CERS3: variants seen among roughly 807,000 people sequenced by gnomAD.
CERS3 encodes the protein ceramide synthase 3, also known as LAG1 homolog, ceramide synthase 3.
A neutral mutation model predicts 50.3 loss-of-function variants in CERS3; 33 were observed. The ratio of observed to expected loss-of-function variants is 0.66; its 90% CI spans 0.50 to 0.88. The LOEUF (loss-of-function observed/expected upper bound fraction) is 0.88, where lower values mean the gene tolerates loss of function less well. CERS3 is among the 40% of genes least tolerant of loss of function. The pLI is 0.00. For missense variants in CERS3, 470 were observed against 460.3 expected (o/e 1.02, Z -0.19); for synonymous variants, 176 against 155.2 (o/e 1.13, Z -0.99).
chr15:100,440,372 T>A (rs1452674163), intron 11 of CERS3, among the ~76,000 whole-genome samples: 1 of 152,208 alleles, frequency 6.6e-6, no homozygotes, highest in Non-Finnish European at 1.5e-5. Context: ...TTCCTTCTCC[T>A]GGCTCATTCT....
At chr15:100,477,956 G>GT (rs2035183406) in intron 7 of CERS3, among the ~76,000 whole-genome samples, 1 of 152,182 alleles carries the variant, frequency 6.6e-6, no homozygotes, top group Non-Finnish European at 1.5e-5. Context: ...AGAAGTGAAA[G>GT]TAAGTCCTCT....
chr15:100,403,000 A>G, intron 11 of CERS3, 135 bp from the exon 12 acceptor site: 2 of 836,866 alleles, frequency 2.4e-6, no homozygotes, highest in Non-Finnish European at 3.6e-6. Flanking sequence ...ATTCACCAAG[A>G]TTGACTATAT....
In CERS3 at chr15:100,480,579, A is replaced by G. The variant is rs75751988; in HGVS notation, c.408-533T>C. On this transcript the variant is annotated intron_variant, in intron 5 of 11. Coordinates refer to ENST00000679737, the MANE Select transcript of CERS3 (RefSeq NM_001378789.1). ...AAAAACCTGTAGACTAAGAGACTGG[A>G]AAGACACATCAAAAAATTGTAACAA... Among the ~76,000 whole-genome samples, 222 of 152,328 alleles carry G rather than the reference A, an allele frequency of 1.5e-3. 1 individual carries two copies. Among genetic ancestry groups the G allele is most frequent in the African/African-American group, 4.9e-3 (204 of 41,578 alleles).
At chr15:100,421,602 C>T (rs1412618535) in intron 11 of CERS3, among the ~76,000 whole-genome samples, 2 of 148,682 alleles carry the variant, frequency 1.3e-5, no homozygotes, top group Non-Finnish European at 3.0e-5. Flanking sequence ...TCATATGGAA[C>T]CAAAAAAGAG....
intron 11 of CERS3, among the ~76,000 whole-genome samples, chr15:100,405,660 G>A (rs1313222951): frequency 2.0e-5 from 3 of 152,146 alleles, no homozygotes; most frequent in Admixed American, 2.0e-4. Flanking sequence ...CTATAGGGAT[G>A]GATAACAGGT....
At chr15:100,524,621 T>C (rs2036733491) in intron 1 of CERS3, among the ~76,000 whole-genome samples, 1 of 152,228 alleles carries the variant, frequency 6.6e-6, no homozygotes, top group African/African-American at 2.4e-5. Context: ...TCTGCAGAAT[T>C]TGACATTTGT....
intron 1 of CERS3, among the ~76,000 whole-genome samples, chr15:100,540,421 G>A (rs774995543): frequency 5.3e-5 from 8 of 152,286 alleles, no homozygotes; most frequent in East Asian, 1.9e-4. Context: ...ACAGGCGCCC[G>A]TAATCCCAGG....
In CERS3 at chr15:100,416,149, G is replaced by C. The variant is rs2031887332; in HGVS notation, c.1000-13284C>G. 2.0e-5 allele frequency among the ~76,000 whole-genome samples: 3 copies of C among 151,956 alleles called. No individual in the cohort carries two copies. In the South Asian group the frequency reaches 6.2e-4, roughly 32 times the overall value. Reference sequence around the variant, plus strand: ...TTAGAAAAATTATAAAATTCATACAGAACCAAAAAAGAGCCCCCAAATAGC... The same window carrying C: ...TTAGAAAAATTATAAAATTCATACACAACCAAAAAAGAGCCCCCAAATAGC... On this transcript the variant is annotated intron_variant, in intron 11 of 11. Transcript: ENST00000679737.
intron 2 of CERS3, chr15:100,503,844 G>A (rs1442081530): frequency 1.6e-5 from 7 of 435,682 alleles, no homozygotes; most frequent in African/African-American, 2.0e-5. Flanking sequence ...AGGGAATAAC[G>A]CCATCTGTGG....
intron 11 of CERS3, among the ~76,000 whole-genome samples, chr15:100,405,547 A>C (rs2030952559): frequency 6.6e-6 from 1 of 152,228 alleles, no homozygotes; most frequent in Admixed American, 6.5e-5. Flanking sequence ...AAGTTTGATG[A>C]ATCTTAAAGA....
At chr15:100,514,669 C>G (rs945253236) in intron 2 of CERS3, among the ~76,000 whole-genome samples, 2 of 151,878 alleles carry the variant, frequency 1.3e-5, no homozygotes, top group African/African-American at 4.8e-5. Flanking sequence ...ATGAGAAATC[C>G]TAATGACATA....
intron 11 of CERS3, among the ~76,000 whole-genome samples, chr15:100,446,357 T>C (rs1297469835): frequency 7.0e-6 from 1 of 143,386 alleles, no homozygotes; most frequent in Non-Finnish European, 1.5e-5. Flanking sequence ...AAGAAGAAAC[T>C]TCTCAGGTTT....
At chr15:100,490,203 C>CT (rs1224355560) in intron 4 of CERS3, among the ~76,000 whole-genome samples, 1 of 151,980 alleles carries the variant, frequency 6.6e-6, no homozygotes, top group Non-Finnish European at 1.5e-5. Flanking sequence ...AGATTAAAAA[C>CT]TTTTTCTTTT....
At chr15:100,474,405 T>C (rs995508954) in intron 8 of CERS3, among the ~76,000 whole-genome samples, 2 of 144,396 alleles carry the variant, frequency 1.4e-5, no homozygotes, top group Admixed American at 7.4e-5. Flanking sequence ...AGGAAGTTTC[T>C]TTTTTTTCTT....
At chr15:100,526,745 A>G (rs1006653481) in intron 1 of CERS3, among the ~76,000 whole-genome samples, 2 of 151,698 alleles carry the variant, frequency 1.3e-5, no homozygotes, top group African/African-American at 4.8e-5. Context: ...TGGAAAGGCA[A>G]CTCCCTGAGG....
chr15:100,528,473 T>C (rs1411305271), intron 1 of CERS3, among the ~76,000 whole-genome samples: 1 of 152,160 alleles, frequency 6.6e-6, no homozygotes, highest in East Asian at 1.9e-4. Flanking sequence ...TGCCCAGACC[T>C]TTCTTCCTAA....
chr15:100,436,614 T>C (rs1250154988), intron 11 of CERS3, among the ~76,000 whole-genome samples: 8 of 152,118 alleles, frequency 5.3e-5, no homozygotes, highest in Non-Finnish European at 1.5e-5. Flanking sequence ...GTTCTGCACA[T>C]GTATCCCAGA....
At chr15:100,514,123 C>T (rs1399419015) in intron 2 of CERS3, among the ~76,000 whole-genome samples, 1 of 152,168 alleles carries the variant, frequency 6.6e-6, no homozygotes, top group Non-Finnish European at 1.5e-5. Context: ...ACCTCAGTTT[C>T]CCCATCTACA....
chr15:100,517,981 G>A (rs2036538441), intron 2 of CERS3, among the ~76,000 whole-genome samples: 1 of 152,232 alleles, frequency 6.6e-6, no homozygotes, highest in African/African-American at 2.4e-5. Context: ...TGTTGGAATA[G>A]TTACTGTTTT....
Sources: gnomAD v4.1 joint callset for allele counts (sites outside exome capture counted in the v4.1 genomes callset) on GRCh38, gnomAD v4.1.1 for gene constraint, MANE v1.5 for transcripts, NCBI Gene and HGNC (gene_info 2026-07-23, HGNC 2026-07-21) for gene names.